The following PCDH7 variants were observed in gnomAD, a reference collection of about 807,000 sequenced individuals.
PCDH7 encodes protocadherin-7.
Under a neutral mutation model 58.9 loss-of-function variants are expected in PCDH7, and 17 were observed. That is an observed-to-expected ratio of 0.29 (90% confidence interval 0.20 to 0.43). The LOEUF is 0.43. Among genes scored for constraint, PCDH7 ranks in the 20% least tolerant of loss-of-function variants. The pLI, the probability that PCDH7 is intolerant of heterozygous loss-of-function variation, is 1.00. For missense variants in PCDH7, 1,274 were observed against 1,441.0 expected (o/e 0.88, Z 1.88); for synonymous variants, 664 against 616.4 (o/e 1.08, Z -1.14).
At chr4:30,896,361 T>C (rs1739387940) in intron 1 of PCDH7, among the ~76,000 whole-genome samples, 1 of 152,214 alleles carries the variant, frequency 6.6e-6, no homozygotes. Flanking sequence ...GGTAGCTATT[T>C]CAATGCTGAA....
chr4:30,998,042 A>G (rs764961480), intron 3 of PCDH7, among the ~76,000 whole-genome samples: 5 of 152,186 alleles, frequency 3.3e-5, no homozygotes, highest in Non-Finnish European at 5.9e-5. Flanking sequence ...AGAAGTTACA[A>G]ACTCTGCCAG....
intron 1 of PCDH7, among the ~76,000 whole-genome samples, chr4:30,776,058 G>A (rs936933017): frequency 2.0e-5 from 3 of 152,256 alleles, no homozygotes; most frequent in Admixed American, 1.3e-4. Flanking sequence ...AACCATGGTC[G>A]TCTTTCATTG....
intron 3 of PCDH7, among the ~76,000 whole-genome samples, chr4:31,022,838 CTAAG>C (rs1426444470): frequency 6.6e-6 from 1 of 151,996 alleles, no homozygotes; most frequent in East Asian, 1.9e-4. Flanking sequence ...GAAATTATGA[CTAAG>C]TGTCATAAGC....
chr4:30,751,222 T>G (rs1718478808), intron 1 of PCDH7, among the ~76,000 whole-genome samples: 1 of 152,236 alleles, frequency 6.6e-6, no homozygotes, highest in Non-Finnish European at 1.5e-5. Context: ...GAATTTTGTC[T>G]TTAAATTAAA....
At chr4:31,145,764 G>A (rs940256451), downstream of PCDH7, 6 of 152,072 alleles carry the variant, frequency 3.9e-5, no homozygotes, top group East Asian at 1.9e-4. Context: ...AGATGAAAGC[G>A]TTTATTGTAA....
At chr4:30,936,248 G>A (rs1399251516) in intron 2 of PCDH7, among the ~76,000 whole-genome samples, 2 of 151,760 alleles carry the variant, frequency 1.3e-5, no homozygotes, top group African/African-American at 2.4e-5. Context: ...AGGTAATATC[G>A]ACATTTTACA....
intron 3 of PCDH7, among the ~76,000 whole-genome samples, chr4:30,990,483 C>T (rs1486726580): frequency 6.6e-6 from 1 of 152,080 alleles, no homozygotes; most frequent in African/African-American, 2.4e-5. Flanking sequence ...CCCTTTCTAT[C>T]CAGTGCTTTT....
intron 3 of PCDH7, among the ~76,000 whole-genome samples, chr4:30,983,494 T>TA (rs1750733542): frequency 1.3e-5 from 2 of 152,180 alleles, no homozygotes; most frequent in Non-Finnish European, 1.5e-5. Context: ...AACTTTAACT[T>TA]ACGGAATTTC....
chr4:31,013,327 TACAC>T (rs1553926315), intron 3 of PCDH7, among the ~76,000 whole-genome samples: 1 of 149,520 alleles, frequency 6.7e-6, no homozygotes, highest in Non-Finnish European at 1.5e-5. Flanking sequence ...CACACACACA[TACAC>T]ACATACTATA....
At chr4:30,779,664 C>G (rs531557225) in intron 1 of PCDH7, among the ~76,000 whole-genome samples, 1 of 152,258 alleles carries the variant, frequency 6.6e-6, no homozygotes, top group Non-Finnish European at 1.5e-5. Flanking sequence ...TAATTTTGTC[C>G]TATCTCACAT....
chr4:30,724,756 C>A, intron 1 of PCDH7, 160 bp downstream of exon 1: 3 of 1,446,246 alleles, frequency 2.1e-6, no homozygotes, highest in Non-Finnish European at 2.7e-6. Context: ...TAGCAAAGGC[C>A]ATCTACAAGA....
intron 3 of PCDH7, among the ~76,000 whole-genome samples, chr4:31,103,831 G>C (rs1045811266): frequency 6.6e-6 from 1 of 152,200 alleles, no homozygotes; most frequent in Admixed American, 6.5e-5. Flanking sequence ...CTTAAAGGGT[G>C]TGAGATTTCT....
chr4:30,905,405 T>G (rs941924023), intron 1 of PCDH7, among the ~76,000 whole-genome samples: 2 of 151,394 alleles, frequency 1.3e-5, no homozygotes, highest in Non-Finnish European at 2.9e-5. Context: ...AGGGTAGTCA[T>G]GCAAAGCAAC....
chr4:30,981,135 C>A (rs558993493), intron 3 of PCDH7, among the ~76,000 whole-genome samples: 1 of 152,298 alleles, frequency 6.6e-6, no homozygotes, highest in South Asian at 2.1e-4. Context: ...AGGCACTGCG[C>A]CTGGCCTATT....
chr4:30,981,817 C>T (rs567377606), intron 3 of PCDH7, among the ~76,000 whole-genome samples: 3 of 152,220 alleles, frequency 2.0e-5, no homozygotes, highest in South Asian at 2.1e-4. Context: ...AAAAGTGCTA[C>T]TCTCATTTGT....
intron 3 of PCDH7, among the ~76,000 whole-genome samples, chr4:31,134,384 C>A (rs767971461): frequency 1.3e-5 from 2 of 152,026 alleles, no homozygotes; most frequent in African/African-American, 4.8e-5. Flanking sequence ...TGCTAGAACC[C>A]GGGAGGTGGA....
rs531611589 is a variant in PCDH7, at chr4:30,738,975, G to C, written c.70+14379G>C. On this transcript the variant is annotated intron_variant, in intron 1 of 3. Coordinates refer to the PCDH7 transcript ENST00000509759. ...GTGACTCTTCACGATTATTATGTAC[G>C]CATGCAATACACGTTTTATCATGAG... is the stretch of plus-strand genomic sequence containing the variant. 5.4e-4 allele frequency among the ~76,000 whole-genome samples: 82 copies of C among 151,696 alleles called. 1 individual carries two copies. Among genetic ancestry groups the C allele is most frequent in the African/African-American group, 1.9e-3 (80 of 41,366 alleles).
At chr4:30,765,123 T>A (rs992434428) in intron 1 of PCDH7, among the ~76,000 whole-genome samples, 5 of 137,588 alleles carry the variant, frequency 3.6e-5, no homozygotes, top group Non-Finnish European at 4.6e-5. Flanking sequence ...GGACTTCAGA[T>A]GCTTTTTTTT....
intron 3 of PCDH7, among the ~76,000 whole-genome samples, chr4:31,085,393 T>C (rs1318010325): frequency 1.3e-5 from 2 of 152,178 alleles, no homozygotes; most frequent in South Asian, 2.1e-4. Flanking sequence ...ATATCTCATC[T>C]TGTGGCTAAT....
Sources: gnomAD v4.1 joint callset for allele counts (sites outside exome capture counted in the v4.1 genomes callset) on GRCh38, gnomAD v4.1.1 for gene constraint, MANE v1.5 for transcripts, NCBI Gene and HGNC (gene_info 2026-07-23, HGNC 2026-07-21) for gene names.